Variants in MELK observed in about 807,000 individuals in gnomAD.
The protein encoded by MELK is pEg3 kinase.
MELK carries 81 observed loss-of-function variants against 85.0 expected under a neutral mutation model. The ratio of observed to expected loss-of-function variants is 0.95; its 90% CI spans 0.80 to 1.15. The LOEUF (loss-of-function observed/expected upper bound fraction) is 1.15. MELK is among the 50% of genes most tolerant of loss of function. MELK has a pLI of 0.00. For synonymous variants in MELK, 252 were observed against 265.0 expected, an observed-to-expected ratio of 0.95 and a Z score of 0.48; for missense variants, 754 against 777.5, an observed-to-expected ratio of 0.97 and a Z score of 0.36.
chr9:36,623,323 C>T (rs1334256203), intron 8 of MELK, among the ~76,000 whole-genome samples: 1 of 152,200 alleles, frequency 6.6e-6, no homozygotes, highest in Admixed American at 6.5e-5. Flanking sequence ...TCCCTGCCTA[C>T]TACAGAGGGT....
chr9:36,573,744 T>C (rs1821342848), intron 1 of MELK, among the ~76,000 whole-genome samples: 1 of 151,928 alleles, frequency 6.6e-6, no homozygotes, highest in South Asian at 2.1e-4. Context: ...TGTCCTCAGG[T>C]GATCCGCCCG....
chr9:36,635,589 T>G (rs1829052210), intron 10 of MELK, among the ~76,000 whole-genome samples: 1 of 152,096 alleles, frequency 6.6e-6, no homozygotes, highest in Admixed American at 6.5e-5. Context: ...ACTGCATTTG[T>G]ACCATCCATA....
intron 4 of MELK, among the ~76,000 whole-genome samples, chr9:36,590,622 G>A (rs1475338769): frequency 6.6e-6 from 1 of 152,126 alleles, no homozygotes; most frequent in Non-Finnish European, 1.5e-5. Context: ...TGTCTTTTAT[G>A]TAAACCAAGC....
At chr9:36,595,908 C>T (rs1221378141) in intron 5 of MELK, among the ~76,000 whole-genome samples, 3 of 152,136 alleles carry the variant, frequency 2.0e-5, no homozygotes, top group Non-Finnish European at 2.9e-5. Context: ...CTCTGCCTCT[C>T]AGGTTAAGGT....
intron 8 of MELK, among the ~76,000 whole-genome samples, chr9:36,621,537 A>C (rs1020334293): frequency 1.3e-5 from 2 of 152,162 alleles, no homozygotes; most frequent in Non-Finnish European, 2.9e-5. Flanking sequence ...AAGGTCACAC[A>C]GCTAGTAAGA....
At chr9:36,586,963 G>A (rs1039681431) in intron 3 of MELK, among the ~76,000 whole-genome samples, 2 of 151,888 alleles carry the variant, frequency 1.3e-5, no homozygotes, top group African/African-American at 2.4e-5. Context: ...CCAGGTTCAC[G>A]CCATTCTCCT....
chr9:36,590,997 C>T (rs1040542407), intron 4 of MELK, among the ~76,000 whole-genome samples: 3 of 152,044 alleles, frequency 2.0e-5, no homozygotes, highest in African/African-American at 2.4e-5. Context: ...GAGGCTGAGG[C>T]GGGAGAATTG....
intron 12 of MELK, among the ~76,000 whole-genome samples, chr9:36,653,222 C>T (rs1220558887): frequency 6.6e-6 from 1 of 152,166 alleles, no homozygotes; most frequent in Non-Finnish European, 1.5e-5. Context: ...TCATGGCTCA[C>T]TGCAGCCTTA....
At chr9:36,655,711 C>T (rs569257685) in intron 12 of MELK, among the ~76,000 whole-genome samples, 35 of 152,300 alleles carry the variant, frequency 2.3e-4, no homozygotes, top group African/African-American at 8.2e-4. Context: ...AGCCGTCATT[C>T]GTACAGCACT....
chr9:36,663,447 T>G (rs903330224), intron 13 of MELK, among the ~76,000 whole-genome samples: 4 of 152,198 alleles, frequency 2.6e-5, no homozygotes, highest in African/African-American at 9.7e-5. Context: ...AGATGCATAG[T>G]GGTCAAGTGA....
chr9:36,594,399 A>G (rs558056097), intron 4 of MELK, among the ~76,000 whole-genome samples: 1 of 152,146 alleles, frequency 6.6e-6, no homozygotes, highest in African/African-American at 2.4e-5. Context: ...TTTTACTTCT[A>G]CTTACTGGTA....
intron 13 of MELK, among the ~76,000 whole-genome samples, chr9:36,661,046 A>G (rs1313908372): frequency 2.0e-5 from 3 of 152,144 alleles, no homozygotes; most frequent in African/African-American, 7.2e-5. Context: ...AGGGTCTTCT[A>G]GGGAACTACT....
intron 4 of MELK, among the ~76,000 whole-genome samples, chr9:36,590,066 C>T (rs1015106229): frequency 4.0e-5 from 6 of 151,806 alleles, no homozygotes; most frequent in African/African-American, 9.7e-5. Flanking sequence ...GGACTACAGG[C>T]GCCCACCACC....
At position 36,651,744 on chromosome 9, in the gene MELK, A is replaced by C; in HGVS notation, c.922-2A>C. ...AACCAACTTGATTTTCTTTTCCTTT[A>C]GTGGCAGTATGATCACCTCACGGCT... On this transcript the variant is annotated splice_acceptor_variant, in intron 11 of 17. Coordinates refer to ENST00000298048, the MANE Select transcript of MELK (RefSeq NM_014791.4). LOFTEE classifies it high-confidence loss of function. The C allele has an allele frequency of 6.2e-7, 1 of 1,609,660 alleles. No homozygotes were observed. The highest frequency in any genetic ancestry group is 8.5e-7 in the Non-Finnish European group (1 of 1,177,970).
chr9:36,591,162 G>T (rs1823508719), intron 4 of MELK, among the ~76,000 whole-genome samples: 1 of 152,102 alleles, frequency 6.6e-6, no homozygotes, highest in Non-Finnish European at 1.5e-5. Flanking sequence ...GTAGTACATT[G>T]TATTACTACA....
intron 8 of MELK, among the ~76,000 whole-genome samples, chr9:36,626,679 C>T (rs1210224459): frequency 2.0e-5 from 3 of 151,846 alleles, no homozygotes; most frequent in Admixed American, 1.3e-4. Context: ...CCCAAGAGGC[C>T]GGGCATGGTG....
At chr9:36,589,315 A>AT (rs1274846125) in intron 3 of MELK, among the ~76,000 whole-genome samples, 1 of 151,864 alleles carries the variant, frequency 6.6e-6, no homozygotes, top group East Asian at 1.9e-4. Context: ...CGCCCGGCTA[A>AT]TTTTTTTGTA....
chr9:36,608,943 A>T (rs1403875915), intron 8 of MELK, among the ~76,000 whole-genome samples: 7 of 152,218 alleles, frequency 4.6e-5, no homozygotes, highest in Non-Finnish European at 7.3e-5. Context: ...ATAAAAACAG[A>T]ATGCTGTGTC....
chr9:36,648,396 AG>A (rs1328729008), intron 11 of MELK, among the ~76,000 whole-genome samples: 1 of 152,226 alleles, frequency 6.6e-6, no homozygotes, highest in Non-Finnish European at 1.5e-5. Context: ...CTCTGAAGTC[AG>A]GGAAGTGAAG....
Sources: allele counts gnomAD v4.1 joint callset (sites outside exome capture counted in the v4.1 genomes callset), GRCh38; gene constraint gnomAD v4.1.1; transcripts MANE v1.5; gene names NCBI Gene and HGNC (gene_info 2026-07-23, HGNC 2026-07-21).